CELF4: variants seen among roughly 807,000 people sequenced by gnomAD.
CELF4 encodes CUGBP Elav-like family member 4.
CELF4 carries 18 observed loss-of-function variants against 59.9 expected under a neutral mutation model. That is an observed-to-expected ratio of 0.30 (90% CI 0.21 to 0.45). CELF4 has a LOEUF of 0.45. Ranked by LOEUF, CELF4 falls within the 20% of genes least tolerant of loss-of-function variation. The pLI is 1.00. For synonymous variants in CELF4, 261 were observed against 267.1 expected, an observed-to-expected ratio of 0.98 and a Z score of 0.22; for missense variants, 456 against 689.0, an observed-to-expected ratio of 0.66 and a Z score of 3.79.
intron 1 of CELF4, among the ~76,000 whole-genome samples, chr18:37,557,879 A>T (rs1482637405): frequency 6.6e-6 from 1 of 152,170 alleles, no homozygotes; most frequent in East Asian, 1.9e-4. Flanking sequence ...CCCTGTTTGA[A>T]ATCCTCGATC....
chr18:37,434,223 C>A (rs2099681446), intron 2 of CELF4, among the ~76,000 whole-genome samples: 1 of 152,210 alleles, frequency 6.6e-6, no homozygotes, highest in South Asian at 2.1e-4. Context: ...CAAGGCCCTA[C>A]ACGATTAGCT....
chr18:37,321,714 G>A (rs72883696), intron 3 of CELF4, 89 bp downstream of exon 3: 60,761 of 911,118 alleles, frequency 0.067, 2,421 homozygotes, highest in Middle Eastern at 0.11. Context: ...AGGAGGAGGC[G>A]GGGAGTCGCT....
At chr18:37,403,311 G>A (rs2099351104) in intron 2 of CELF4, among the ~76,000 whole-genome samples, 1 of 152,140 alleles carries the variant, frequency 6.6e-6, no homozygotes, top group Admixed American at 6.5e-5. Context: ...CCCTCCATAA[G>A]AGGAGCAGCC....
At chr18:37,461,665 C>T (rs533678413) in intron 2 of CELF4, among the ~76,000 whole-genome samples, 2 of 152,196 alleles carry the variant, frequency 1.3e-5, no homozygotes, top group Non-Finnish European at 2.9e-5. Flanking sequence ...CTCAGGCAGC[C>T]AGAGCTGTCC....
At chr18:37,392,376 A>G (rs1183410155) in intron 2 of CELF4, among the ~76,000 whole-genome samples, 1 of 151,946 alleles carries the variant, frequency 6.6e-6, no homozygotes, top group Non-Finnish European at 1.5e-5. Flanking sequence ...GCACTGTTGA[A>G]CCCTCCATGT....
intron 1 of CELF4, among the ~76,000 whole-genome samples, chr18:37,507,860 C>T (rs151124120): frequency 6.6e-6 from 1 of 152,332 alleles, no homozygotes; most frequent in East Asian, 1.9e-4. Context: ...TATGTGCCCA[C>T]ATCTGCCCAT....
At chr18:37,409,149 C>T (rs912515204) in intron 2 of CELF4, among the ~76,000 whole-genome samples, 1 of 152,208 alleles carries the variant, frequency 6.6e-6, no homozygotes, top group African/African-American at 2.4e-5. Context: ...AAATGTGGCT[C>T]TCCCTGGCGA....
At chr18:37,330,464 C>T (rs563209955) in intron 2 of CELF4, among the ~76,000 whole-genome samples, 1 of 152,296 alleles carries the variant, frequency 6.6e-6, no homozygotes, top group Admixed American at 6.5e-5. Flanking sequence ...CTTAATAAAT[C>T]GCATATGGTG....
chr18:37,343,740 C>T (rs919455553), intron 2 of CELF4, among the ~76,000 whole-genome samples: 2 of 152,158 alleles, frequency 1.3e-5, no homozygotes, highest in Non-Finnish European at 2.9e-5. Flanking sequence ...GGATGCTGCT[C>T]GTGTTCCGTG....
At chr18:37,351,052 C>A (rs1379553535) in intron 2 of CELF4, among the ~76,000 whole-genome samples, 2 of 152,138 alleles carry the variant, frequency 1.3e-5, no homozygotes, top group Admixed American at 1.3e-4. Context: ...TATTTTTGGC[C>A]AGGTAATTAG....
In CELF4 at chr18:37,436,612, G is replaced by T. The variant is rs372862136; in HGVS notation, c.369+48913C>A. Among the ~76,000 whole-genome samples, 112 of 152,318 alleles carry T rather than the reference G, an allele frequency of 7.4e-4. No individual in the cohort carries two copies. The East Asian group carries it at 7.9e-3, about 11-fold the overall frequency. ...GGCCCCAGCACTTCCCTGGCAAGCAGCTCAGGCTATACAGAGGCTTTGGTT... is the reference window on the plus strand; with the variant it reads ...GGCCCCAGCACTTCCCTGGCAAGCATCTCAGGCTATACAGAGGCTTTGGTT... On this transcript the variant is annotated intron_variant, in intron 2 of 12. Transcript: ENST00000420428.
At chr18:37,345,864 C>G (rs1000119214) in intron 2 of CELF4, among the ~76,000 whole-genome samples, 4 of 152,168 alleles carry the variant, frequency 2.6e-5, no homozygotes, top group African/African-American at 7.2e-5. Context: ...CCCAAAACCA[C>G]CCACCTACCC....
At position 37,348,205 on chromosome 18, in the gene CELF4, G is replaced by T. The variant is rs186689314; in HGVS notation, c.370-26324C>A. ...AGAGCACAGAGATCAGTTACTATTT[G>T]ACCCCTCTTAGCCACAATTTCCCCA... is the stretch of plus-strand genomic sequence containing the variant. On this transcript the variant is annotated intron_variant, in intron 2 of 12. Transcript: ENST00000420428. 1.0e-4 allele frequency among the ~76,000 whole-genome samples: 15 copies of T among 149,518 alleles called. No homozygotes were observed. In the East Asian group the frequency reaches 1.2e-3, roughly 12 times the overall value.
intron 3 of CELF4, among the ~76,000 whole-genome samples, chr18:37,289,317 G>A (rs1174328524): frequency 6.7e-6 from 1 of 149,590 alleles, no homozygotes; most frequent in East Asian, 2.0e-4. Context: ...GAGAAGGATG[G>A]AAACTTGGGG....
chr18:37,508,706 C>G (rs1363206111), intron 1 of CELF4, among the ~76,000 whole-genome samples: 1 of 152,242 alleles, frequency 6.6e-6, no homozygotes. Context: ...GTCTGGTGGA[C>G]TGGGGGCCTG....
At chr18:37,406,144 T>A (rs1266933656) in intron 2 of CELF4, among the ~76,000 whole-genome samples, 4 of 152,102 alleles carry the variant, frequency 2.6e-5, no homozygotes, top group African/African-American at 9.7e-5. Context: ...ATTTTTATTT[T>A]TTTTTAAACT....
At chr18:37,271,250 A>T (rs576457012) in intron 7 of CELF4, among the ~76,000 whole-genome samples, 78 of 140,530 alleles carry the variant, frequency 5.6e-4, no homozygotes, top group African/African-American at 1.9e-3. Flanking sequence ...GTCTTCCTTC[A>T]GTCCTTTTTT....
At chr18:37,379,704 G>A (rs919710984) in intron 2 of CELF4, among the ~76,000 whole-genome samples, 5 of 152,014 alleles carry the variant, frequency 3.3e-5, no homozygotes, top group Admixed American at 2.0e-4. Context: ...GCACCAAGAG[G>A]AATAAAGGTC....
intron 1 of CELF4, among the ~76,000 whole-genome samples, chr18:37,544,361 C>T (rs530338712): frequency 2.0e-5 from 3 of 152,236 alleles, no homozygotes; most frequent in East Asian, 1.9e-4. Context: ...AGCTTGTCAG[C>T]GGAGCTGCGG....
Sources: gnomAD v4.1 joint callset for allele counts (sites outside exome capture counted in the v4.1 genomes callset) on GRCh38, gnomAD v4.1.1 for gene constraint, MANE v1.5 for transcripts, NCBI Gene and HGNC (gene_info 2026-07-23, HGNC 2026-07-21) for gene names.